The following SUPT3H variants were observed in gnomAD, a reference collection of about 807,000 sequenced individuals.
SUPT3H encodes the protein transcription initiation protein SPT3 homolog.
Under a neutral mutation model 44.3 loss-of-function variants are expected in SUPT3H, and 44 were observed. The ratio of observed to expected loss-of-function variants is 0.99; its 90% confidence interval spans 0.78 to 1.28. The LOEUF is 1.28. Among genes scored for constraint, SUPT3H ranks in the 50% most tolerant of loss-of-function variants. SUPT3H has a pLI of 0.00. For synonymous variants in SUPT3H, 124 were observed against 125.6 expected, an observed-to-expected ratio of 0.99 and a Z score of 0.09; for missense variants, 380 against 387.1, an observed-to-expected ratio of 0.98 and a Z score of 0.15.
intron 2 of SUPT3H, among the ~76,000 whole-genome samples, chr6:45,124,470 C>T (rs1173672702): frequency 1.3e-5 from 2 of 150,460 alleles, no homozygotes; most frequent in African/African-American, 4.9e-5. Context: ...ATGGTGAAAC[C>T]CCCCCCTCTA....
Position 44,829,693 on chromosome 6 carries a change from C to CAACAGACCAGCCCACTCCCTCAGAT in SUPT3H, c.*98_*122dup. On this transcript the variant is annotated 3_prime_UTR_variant, in exon 11 of 11. Coordinates refer to ENST00000371459, the MANE Select transcript of SUPT3H (RefSeq NM_003599.4). ...GGAGGAGTCAGCAAGTTGAAAGTCA[C>CAACAGACCAGCCCACTCCCTCAGAT]AACAGACCAGCCCACTCCCTCAGAT... is the stretch of plus-strand genomic sequence containing the variant. 1 of 1,144,756 alleles carries CAACAGACCAGCCCACTCCCTCAGAT rather than the reference C, an allele frequency of 8.7e-7. No individual in the cohort carries two copies. The highest frequency in any genetic ancestry group is 1.3e-6 in the Non-Finnish European group (1 of 789,728). The allele number at this position is 1,144,756 out of a possible 1,614,324, so 70.9% of individuals were successfully genotyped here.
At chr6:45,351,287 C>T (rs1034877008) in intron 2 of SUPT3H, among the ~76,000 whole-genome samples, 1 of 152,076 alleles carries the variant, frequency 6.6e-6, no homozygotes, top group Non-Finnish European at 1.5e-5. Context: ...TGCCCTCCTA[C>T]GCTATACTAA....
chr6:45,175,890 C>T (rs1198187547), intron 2 of SUPT3H, among the ~76,000 whole-genome samples: 1 of 152,158 alleles, frequency 6.6e-6, no homozygotes, highest in Non-Finnish European at 1.5e-5. Context: ...AAGGTTATTG[C>T]TAGACTGGCT....
chr6:45,357,003 A>C (rs1793323346), intron 2 of SUPT3H, among the ~76,000 whole-genome samples: 1 of 152,032 alleles, frequency 6.6e-6, no homozygotes, highest in Non-Finnish European at 1.5e-5. Context: ...TTAGTAATGA[A>C]GAATCCATTT....
At chr6:45,338,800 T>A (rs997415041) in intron 2 of SUPT3H, among the ~76,000 whole-genome samples, 7 of 152,210 alleles carry the variant, frequency 4.6e-5, no homozygotes, top group African/African-American at 1.7e-4. Context: ...TTTCTCTGGA[T>A]GAGACAAGGG....
chr6:44,963,164 GTA>G (rs1213224112), intron 6 of SUPT3H, among the ~76,000 whole-genome samples: 1 of 151,488 alleles, frequency 6.6e-6, no homozygotes, highest in African/African-American at 2.4e-5. Flanking sequence ...ACACATATAT[GTA>G]TATATGTATG....
At chr6:45,352,110 T>G (rs1259797965) in intron 2 of SUPT3H, among the ~76,000 whole-genome samples, 1 of 152,338 alleles carries the variant, frequency 6.6e-6, no homozygotes, top group African/African-American at 2.4e-5. Flanking sequence ...AAATATTACC[T>G]GACCTTTTTT....
chr6:44,892,081 A>G (rs916132699), intron 10 of SUPT3H, among the ~76,000 whole-genome samples: 6 of 152,186 alleles, frequency 3.9e-5, no homozygotes, highest in African/African-American at 1.4e-4. Context: ...GATAGTGAGT[A>G]CAAACCATCT....
At chr6:45,215,932 G>C (rs140858926) in intron 2 of SUPT3H, among the ~76,000 whole-genome samples, 39 of 152,240 alleles carry the variant, frequency 2.6e-4, no homozygotes, top group African/African-American at 9.4e-4. Context: ...CAAGACAAGT[G>C]TCAAGTCACA....
chr6:45,214,436 G>A (rs1764700165), intron 2 of SUPT3H, among the ~76,000 whole-genome samples: 2 of 151,808 alleles, frequency 1.3e-5, no homozygotes, highest in East Asian at 1.9e-4. Context: ...AAAAAAAAAT[G>A]AAAAAATACA....
chr6:44,816,509 C>CA (rs914710017), intron 11 of SUPT3H, among the ~76,000 whole-genome samples: 82 of 152,030 alleles, frequency 5.4e-4, no homozygotes, highest in African/African-American at 1.8e-3. Context: ...AGCTTTCCCA[C>CA]AAAAAAACAC....
At chr6:45,252,054 ATGGTCAACTT>A (rs1427900678) in intron 2 of SUPT3H, among the ~76,000 whole-genome samples, 1 of 152,208 alleles carries the variant, frequency 6.6e-6, no homozygotes, top group Non-Finnish European at 1.5e-5. Flanking sequence ...AGATGAAGAT[ATGGTCAACTT>A]TAGCTCCATG....
intron 3 of SUPT3H, among the ~76,000 whole-genome samples, chr6:45,080,453 A>C (rs1220921753): frequency 6.6e-6 from 1 of 152,120 alleles, no homozygotes; most frequent in Non-Finnish European, 1.5e-5. Context: ...TCCCAGAAAA[A>C]AGGAAATCAA....
chr6:44,889,789 G>A (rs1468743374), intron 10 of SUPT3H, among the ~76,000 whole-genome samples: 3 of 152,100 alleles, frequency 2.0e-5, no homozygotes, highest in Non-Finnish European at 4.4e-5. Context: ...AAGAGCTTCT[G>A]CACAGCAAAA....
intron 11 of SUPT3H, among the ~76,000 whole-genome samples, chr6:44,813,831 A>T (rs940670424): frequency 1.3e-5 from 2 of 152,158 alleles, no homozygotes; most frequent in Non-Finnish European, 2.9e-5. Context: ...TAAGAAATAC[A>T]GAAAAGGGTA....
At chr6:44,967,914 T>G (rs1306223957) in intron 6 of SUPT3H, among the ~76,000 whole-genome samples, 1 of 152,060 alleles carries the variant, frequency 6.6e-6, no homozygotes, top group African/African-American at 2.4e-5. Context: ...CTCAGCCTCC[T>G]GGGTAGCTGG....
intron 10 of SUPT3H, among the ~76,000 whole-genome samples, chr6:44,930,058 G>C (rs1770301148): frequency 6.6e-6 from 1 of 151,950 alleles, no homozygotes; most frequent in African/African-American, 2.4e-5. Flanking sequence ...GGCCAGCCTG[G>C]CCAACATGGC....
chr6:45,089,197 G>A (rs1247072102), intron 3 of SUPT3H, among the ~76,000 whole-genome samples: 1 of 151,868 alleles, frequency 6.6e-6, no homozygotes, highest in East Asian at 1.9e-4. Flanking sequence ...AAATATATAG[G>A]TTTTTAAAAA....
chr6:45,164,519 T>C (rs912998813), intron 2 of SUPT3H, among the ~76,000 whole-genome samples: 1 of 152,160 alleles, frequency 6.6e-6, no homozygotes, highest in African/African-American at 2.4e-5. Context: ...TGTTAGGGAA[T>C]GAGTGCTTCG....
Sources: allele counts gnomAD v4.1 joint callset (sites outside exome capture counted in the v4.1 genomes callset), GRCh38; gene constraint gnomAD v4.1.1; transcripts MANE v1.5; gene names NCBI Gene and HGNC (gene_info 2026-07-23, HGNC 2026-07-21).